CCSER1: variants seen among roughly 807,000 people sequenced by gnomAD.
CCSER1 encodes coiled-coil serine rich protein 1.
Under a neutral mutation model 82.0 loss-of-function variants are expected in CCSER1, and 41 were observed. The ratio of observed to expected loss-of-function variants is 0.50; its 90% CI spans 0.39 to 0.65. CCSER1 has a LOEUF of 0.65. Ranked by LOEUF, CCSER1 falls within the 30% of genes least tolerant of loss-of-function variation. CCSER1 has a pLI of 0.00. For missense variants in CCSER1, 1,119 were observed against 1,064.2 expected, an observed-to-expected ratio of 1.05 and a Z score of -0.72; for synonymous variants, 414 against 383.9, an observed-to-expected ratio of 1.08 and a Z score of -0.92.
chr4:90,840,730 T>C (rs1209611486), intron 8 of CCSER1, among the ~76,000 whole-genome samples: 1 of 152,114 alleles, frequency 6.6e-6, no homozygotes, highest in Non-Finnish European at 1.5e-5. Flanking sequence ...CCCTCATCCA[T>C]GAAAGCTGTA....
At chr4:91,134,800 G>A (rs1021284427) in intron 10 of CCSER1, among the ~76,000 whole-genome samples, 31 of 152,082 alleles carry the variant, frequency 2.0e-4, no homozygotes, top group African/African-American at 6.3e-4. Flanking sequence ...GGTGGCTCAC[G>A]CCTGTAATCC....
intron 9 of CCSER1, among the ~76,000 whole-genome samples, chr4:91,026,281 C>A (rs745671620): frequency 6.6e-6 from 1 of 151,950 alleles, no homozygotes; most frequent in Non-Finnish European, 1.5e-5. Context: ...TGTAGTTGTC[C>A]TTTTTCTCCT....
chr4:90,847,357 C>T (rs1246620646), intron 8 of CCSER1, among the ~76,000 whole-genome samples: 1 of 152,230 alleles, frequency 6.6e-6, no homozygotes, highest in East Asian at 1.9e-4. Context: ...CCCCTTGGTT[C>T]TGATCAGGAG....
chr4:90,915,100 G>T (rs1429453175), intron 8 of CCSER1, among the ~76,000 whole-genome samples: 1 of 152,130 alleles, frequency 6.6e-6, no homozygotes, highest in Non-Finnish European at 1.5e-5. Context: ...GGAGGAGCTG[G>T]TACCATTCCT....
intron 9 of CCSER1, among the ~76,000 whole-genome samples, chr4:90,927,423 A>G (rs566171347): frequency 2.6e-5 from 4 of 152,078 alleles, no homozygotes; most frequent in East Asian, 3.9e-4. Flanking sequence ...TTAAATTATT[A>G]TTAATTACTG....
At chr4:91,070,784 G>A (rs1349585288) in intron 9 of CCSER1, among the ~76,000 whole-genome samples, 1 of 152,076 alleles carries the variant, frequency 6.6e-6, no homozygotes, top group Non-Finnish European at 1.5e-5. Flanking sequence ...CCAGTTCCAG[G>A]TGCCAAAAAG....
chr4:90,438,890 G>C (rs542629268), intron 4 of CCSER1, among the ~76,000 whole-genome samples: 31 of 152,282 alleles, frequency 2.0e-4, no homozygotes, highest in Admixed American at 7.8e-4. Flanking sequence ...AGTGCAGATA[G>C]TGAAATAATT....
intron 6 of CCSER1, among the ~76,000 whole-genome samples, chr4:90,629,062 ATAT>A (rs1723859129): frequency 6.6e-6 from 1 of 152,122 alleles, no homozygotes; most frequent in African/African-American, 2.4e-5. Context: ...TTGATTGGAG[ATAT>A]TAATAAAGAA....
intron 5 of CCSER1, among the ~76,000 whole-genome samples, chr4:90,611,438 A>T (rs986411066): frequency 2.6e-5 from 4 of 151,998 alleles, no homozygotes; most frequent in Non-Finnish European, 5.9e-5. Flanking sequence ...TCCTTATAAG[A>T]TCAGTTGGAT....
chr4:91,264,070 A>G (rs1741389484), intron 10 of CCSER1, among the ~76,000 whole-genome samples: 1 of 151,960 alleles, frequency 6.6e-6, no homozygotes. Flanking sequence ...CGAACCATAA[A>G]TATGTGTTCT....
chr4:91,421,268 T>G lies in CCSER1; in HGVS notation c.2218-177304T>G, dbSNP rs897747930. ...ATGGAGGATGAAAAGTCTCATGATA[T>G]GTAGTATGCAAACTGGAGAACCAGG... On this transcript the variant is annotated intron_variant, in intron 10 of 10. Transcript: ENST00000509176. 2.0e-5 allele frequency among the ~76,000 whole-genome samples: 3 copies of G among 152,152 alleles called. 1 individual carries two copies. The South Asian group carries it at 6.2e-4, about 31-fold the overall frequency.
intron 7 of CCSER1, among the ~76,000 whole-genome samples, chr4:90,767,927 A>T (rs1751493402): frequency 6.6e-6 from 1 of 152,162 alleles, no homozygotes; most frequent in East Asian, 1.9e-4. Flanking sequence ...TGTTGGGAGT[A>T]TAGGCATGGG....
intron 9 of CCSER1, among the ~76,000 whole-genome samples, chr4:90,985,533 C>T (rs1164673056): frequency 6.6e-6 from 1 of 151,646 alleles, no homozygotes; most frequent in South Asian, 2.1e-4. Flanking sequence ...ATAATAATGC[C>T]TCCCTTAAAT....
intron 10 of CCSER1, among the ~76,000 whole-genome samples, chr4:91,370,996 G>A (rs1750002319): frequency 6.6e-6 from 1 of 151,870 alleles, no homozygotes; most frequent in African/African-American, 2.4e-5. Flanking sequence ...TGAGTAGCTG[G>A]GATTACAGGT....
intron 10 of CCSER1, among the ~76,000 whole-genome samples, chr4:91,328,546 G>C (rs1340961022): frequency 6.6e-6 from 1 of 152,090 alleles, no homozygotes; most frequent in Non-Finnish European, 1.5e-5. Flanking sequence ...AGTGGGGACA[G>C]ACAGCCAAAC....
chr4:90,255,433 C>T (rs1293663896), intron 1 of CCSER1, among the ~76,000 whole-genome samples: 1 of 152,028 alleles, frequency 6.6e-6, no homozygotes, highest in African/African-American at 2.4e-5. Flanking sequence ...CATCTCTGCT[C>T]TGCATTTAAT....
intron 10 of CCSER1, among the ~76,000 whole-genome samples, chr4:91,566,629 G>T (rs1762895143): frequency 6.6e-6 from 1 of 152,052 alleles, no homozygotes; most frequent in African/African-American, 2.4e-5. Flanking sequence ...GGATGTATAT[G>T]TCCAGGAATT....
intron 10 of CCSER1, among the ~76,000 whole-genome samples, chr4:91,146,418 C>A (rs1445367796): frequency 6.6e-6 from 1 of 152,128 alleles, no homozygotes; most frequent in Non-Finnish European, 1.5e-5. Flanking sequence ...AATTTTATGT[C>A]TGTCATTTCA....
chr4:91,106,039 A>G (rs890348691), intron 10 of CCSER1, among the ~76,000 whole-genome samples: 1 of 152,244 alleles, frequency 6.6e-6, no homozygotes, highest in African/African-American at 2.4e-5. Flanking sequence ...CTGAATTACC[A>G]GATACATTTG....
Sources: gnomAD v4.1 joint callset for allele counts (sites outside exome capture counted in the v4.1 genomes callset) on GRCh38, gnomAD v4.1.1 for gene constraint, MANE v1.5 for transcripts, NCBI Gene and HGNC (gene_info 2026-07-23, HGNC 2026-07-21) for gene names.